Variants in WDTC1 observed in about 807,000 individuals in gnomAD.
WDTC1 encodes WD and tetratricopeptide repeats protein 1.
Under a neutral mutation model 76.0 loss-of-function variants are expected in WDTC1, and 12 were observed. The ratio of observed to expected loss-of-function variants is 0.16; its 90% CI spans 0.10 to 0.26. The LOEUF is 0.26. Ranked by LOEUF, WDTC1 falls within the 10% of genes least tolerant of loss-of-function variation. The probability of loss-of-function intolerance (pLI) is 1.00; values close to 1 mark genes in which losing one functional copy is unlikely to be tolerated. For missense variants in WDTC1, 511 were observed against 908.8 expected, an observed-to-expected ratio of 0.56 and a Z score of 5.63; for synonymous variants, 326 against 350.8, an observed-to-expected ratio of 0.93 and a Z score of 0.79.
intron 1 of WDTC1, among the ~76,000 whole-genome samples, chr1:27,257,797 T>G (rs911322093): frequency 5.9e-5 from 9 of 152,050 alleles, no homozygotes; most frequent in South Asian, 2.1e-4. Flanking sequence ...TGTTTGTTTG[T>G]TTTTTCTTTT....
intron 7 of WDTC1, 75 bp from the exon 8 acceptor site, chr1:27,293,946 TC>T: frequency 7.2e-7 from 1 of 1,388,730 alleles, no homozygotes; most frequent in Non-Finnish European, 1.0e-6. Flanking sequence ...ATGTAAGTTT[TC>T]GTCTAGTGAG....
At chr1:27,269,164 CAAAAAAAAAAAAAAAAA>C (rs34447091) in intron 3 of WDTC1, among the ~76,000 whole-genome samples, 1 of 58,858 alleles carries the variant, frequency 1.7e-5, no homozygotes, top group Non-Finnish European at 2.7e-5. Context: ...CCTGTTTCTC[CAAAAAAAAAAAAAAAAA>C]AAAAAAAAAA....
intron 12 of WDTC1, among the ~76,000 whole-genome samples, 194 bp downstream of exon 12, chr1:27,298,305 A>G (rs1364090686): frequency 6.6e-6 from 1 of 152,214 alleles, no homozygotes; most frequent in Non-Finnish European, 1.5e-5. Flanking sequence ...TGACCCATTA[A>G]TCAGGAAGTC....
intron 3 of WDTC1, among the ~76,000 whole-genome samples, chr1:27,267,331 C>T (rs1448769430): frequency 6.6e-6 from 1 of 151,702 alleles, no homozygotes; most frequent in Non-Finnish European, 1.5e-5. Flanking sequence ...AGTGCAACCT[C>T]GCCTCCTGGG....
intron 1 of WDTC1, among the ~76,000 whole-genome samples, chr1:27,250,242 AG>A (rs1245086929): frequency 6.6e-6 from 1 of 151,918 alleles, no homozygotes; most frequent in Non-Finnish European, 1.5e-5. Flanking sequence ...GCTGGAGTGC[AG>A]TGGTGCAATC....
chr1:27,289,042 C>T (rs1323960561), intron 6 of WDTC1, among the ~76,000 whole-genome samples: 8 of 148,760 alleles, frequency 5.4e-5, no homozygotes, highest in African/African-American at 1.5e-4. Flanking sequence ...CTGACCCCCC[C>T]ACCTCCCTCC....
At chr1:27,277,471 T>C (rs1291211234) in intron 3 of WDTC1, among the ~76,000 whole-genome samples, 4 of 152,170 alleles carry the variant, frequency 2.6e-5, no homozygotes, top group Non-Finnish European at 4.4e-5. Context: ...TGACACTCTT[T>C]TTTTTTTAAG....
intron 1 of WDTC1, among the ~76,000 whole-genome samples, chr1:27,254,287 GC>G (rs756564897): frequency 6.6e-6 from 1 of 152,074 alleles, no homozygotes; most frequent in Non-Finnish European, 1.5e-5. Flanking sequence ...CAGGATGGGA[GC>G]AGAAATATTC....
At chr1:27,267,741 A>G (rs1362526881) in intron 3 of WDTC1, among the ~76,000 whole-genome samples, 1 of 152,192 alleles carries the variant, frequency 6.6e-6, no homozygotes, top group Non-Finnish European at 1.5e-5. Flanking sequence ...AAAACAATGA[A>G]GTATCTTTAA....
rs538392001 is a variant in WDTC1 at position 27,297,715 on chromosome 1, C to T, written c.1059-223C>T. On this transcript the variant is annotated intron_variant, in intron 11 of 15. Transcript: ENST00000319394. ...TCATTTCTGCCCTTCTTTTCACTGGCTGAGAGTATTTGGAATGGTATTTGG... is the reference window on the plus strand; with the variant it reads ...TCATTTCTGCCCTTCTTTTCACTGGTTGAGAGTATTTGGAATGGTATTTGG... 1.4e-4 allele frequency among the ~76,000 whole-genome samples: 21 copies of T among 152,264 alleles called. No homozygotes were observed. In the South Asian group the frequency reaches 4.4e-3, roughly 32 times the overall value.
At chr1:27,298,142 C>T (rs1205446099) in intron 12 of WDTC1, 31 bp downstream of exon 12, 1 of 1,548,588 alleles carries the variant, frequency 6.5e-7, no homozygotes, top group East Asian at 2.4e-5. Flanking sequence ...GGATCTGGGT[C>T]AGGATGAGGG....
intron 14 of WDTC1, 131 bp from the exon 15 acceptor site, chr1:27,304,870 A>C: frequency 2.2e-6 from 2 of 909,920 alleles, no homozygotes; most frequent in Non-Finnish European, 3.2e-6. Context: ...GGTCAAGTGC[A>C]CACCCCAGCG....
chr1:27,234,575 C>T, upstream of WDTC1: 1 of 390,518 alleles, frequency 2.6e-6, no homozygotes. Flanking sequence ...CGTAGCGTAC[C>T]CGCCGGCTGC....
At chr1:27,294,218 T>C in intron 8 of WDTC1, 102 bp downstream of exon 8, 1 of 1,257,288 alleles carries the variant, frequency 8.0e-7, no homozygotes, top group Non-Finnish European at 1.1e-6. Flanking sequence ...AGAGCAAGGG[T>C]TTTAGAGTCA....
intron 5 of WDTC1, among the ~76,000 whole-genome samples, chr1:27,286,963 G>A (rs1031094609): frequency 2.6e-5 from 4 of 151,632 alleles, no homozygotes; most frequent in Non-Finnish European, 5.9e-5. Context: ...AGGAGTTCGA[G>A]ACCAGCCTGG....
chr1:27,304,933 T>C, intron 14 of WDTC1, 68 bp from the exon 15 acceptor site: 3 of 1,492,436 alleles, frequency 2.0e-6, no homozygotes, highest in African/African-American at 1.4e-5. Flanking sequence ...ACCTAGGCCA[T>C]GCAGCCTCTA....
intron 7 of WDTC1, 89 bp from the exon 8 acceptor site, chr1:27,293,933 C>T: frequency 7.8e-7 from 1 of 1,276,630 alleles, no homozygotes; most frequent in Non-Finnish European, 1.1e-6. Flanking sequence ...GTCTCAGATA[C>T]AAATGTAAGT....
At chr1:27,296,905 G>A in intron 10 of WDTC1, 143 bp from the exon 11 acceptor site, 1 of 625,382 alleles carries the variant, frequency 1.6e-6, no homozygotes, top group South Asian at 1.7e-5. Context: ...GTCAGAACTT[G>A]CTTTCTGGGA....
rs377146720 is a variant in WDTC1 at position 27,301,424 on chromosome 1, C to T, written c.1431C>T (p.Arg477=). The part of the protein sequence containing the change: ...AHSSACDALG[R]DITAALFSKN... ...GCAGCGCTTGTGATGCATTGGGCCG[C>T]GACATCACAGCTGCCCTCTTCTCTA... Residue 477 remains arginine (R), a synonymous_variant, in exon 13 of 16, where the codon CGC becomes CGT. Transcript: ENST00000319394. This position sits in a 1 kb window ranked among gnomAD's most constrained non-coding sequence, Gnocchi z 5.8. 88 of 1,613,700 alleles carry T rather than the reference C, an allele frequency of 5.5e-5. No homozygotes were observed. Among genetic ancestry groups the T allele is most frequent in the East Asian group, 1.8e-4 (8 of 44,888 alleles).
Sources: gnomAD v4.1 joint callset for allele counts (sites outside exome capture counted in the v4.1 genomes callset) on GRCh38, gnomAD v4.1.1 for gene constraint, Gnocchi (gnomAD v3.1) non-coding constraint, MANE v1.5 for transcripts, NCBI Gene and HGNC (gene_info 2026-07-23, HGNC 2026-07-21) for gene names.